The following CREB1 variants were observed in gnomAD, a reference collection of about 807,000 sequenced individuals.
CREB1 encodes cyclic AMP-responsive element-binding protein 1.
In CREB1, 2 loss-of-function variants were observed where a neutral mutation model predicts 42.0. That is an observed-to-expected ratio of 0.05 (90% CI 0.02 to 0.15). The LOEUF is 0.15. Among genes scored for constraint, CREB1 ranks in the 10% least tolerant of loss-of-function variants. CREB1 has a pLI of 1.00. For missense variants in CREB1, 199 were observed against 388.9 expected (o/e 0.51, Z 4.11); for synonymous variants, 123 against 139.9 (o/e 0.88, Z 0.85).
intron 1 of CREB1, among the ~76,000 whole-genome samples, chr2:207,550,047 A>C (rs962267941): frequency 1.3e-5 from 2 of 152,210 alleles, no homozygotes; most frequent in African/African-American, 2.4e-5. Flanking sequence ...TACAGGCACA[A>C]CATAACTGTG....
chr2:207,570,370 G>C, intron 5 of CREB1, 49 bp downstream of exon 5: 1 of 1,509,802 alleles, frequency 6.6e-7, no homozygotes, highest in East Asian at 2.4e-5. Context: ...AAAAAGTGAG[G>C]AGAAAAAGCT....
At chr2:207,532,566 G>C (rs1181394149) in intron 1 of CREB1, among the ~76,000 whole-genome samples, 3 of 151,250 alleles carry the variant, frequency 2.0e-5, no homozygotes, top group Non-Finnish European at 4.4e-5. Flanking sequence ...CCAGCTACTA[G>C]GGTAGCTGAG....
chr2:207,559,583 A>G (rs1370170083), intron 2 of CREB1, among the ~76,000 whole-genome samples: 4 of 152,230 alleles, frequency 2.6e-5, no homozygotes, highest in African/African-American at 9.6e-5. Context: ...GTTCAAGCAT[A>G]GGAGCAATAA....
At chr2:207,591,076 C>A (rs367921077) in intron 7 of CREB1, among the ~76,000 whole-genome samples, 2 of 152,164 alleles carry the variant, frequency 1.3e-5, no homozygotes, top group South Asian at 4.1e-4. Flanking sequence ...TATTTTTATT[C>A]TCTTAAATTA....
At chr2:207,582,930 T>C (rs940041139) in intron 7 of CREB1, 33 of 244,204 alleles carry the variant, frequency 1.4e-4, no homozygotes, top group South Asian at 2.3e-4. Flanking sequence ...TATATATATA[T>C]ACATACACAC....
chr2:207,584,961 C>T (rs1474378376), intron 7 of CREB1, among the ~76,000 whole-genome samples: 1 of 151,702 alleles, frequency 6.6e-6, no homozygotes, highest in East Asian at 1.9e-4. Context: ...GTACATCATG[C>T]TTGTGGTATT....
intron 2 of CREB1, chr2:207,559,224 A>C: frequency 1.2e-6 from 1 of 825,982 alleles, no homozygotes; most frequent in Non-Finnish European, 1.5e-6. Context: ...CCACTACTCC[A>C]CTCTGTGCTT....
chr2:207,557,878 A>G (rs1026403141), intron 2 of CREB1, among the ~76,000 whole-genome samples: 1 of 152,168 alleles, frequency 6.6e-6, no homozygotes, highest in African/African-American at 2.4e-5. Context: ...AGCTAGGTAT[A>G]TTTTCCCTAG....
chr2:207,583,396 A>C (rs2083284476), intron 7 of CREB1, among the ~76,000 whole-genome samples: 1 of 152,182 alleles, frequency 6.6e-6, no homozygotes, highest in South Asian at 2.1e-4. Context: ...AACTTGGCTT[A>C]TATGTTTGTT....
intron 5 of CREB1, among the ~76,000 whole-genome samples, chr2:207,574,865 A>G (rs779562547): frequency 7.2e-5 from 11 of 152,218 alleles, no homozygotes; most frequent in Non-Finnish European, 1.5e-4. Context: ...TGCTAAGTGT[A>G]TGAAAGTATA....
intron 1 of CREB1, among the ~76,000 whole-genome samples, chr2:207,545,778 G>A (rs1367464767): frequency 6.7e-6 from 1 of 150,266 alleles, no homozygotes; most frequent in Non-Finnish European, 1.5e-5. Context: ...TTTCTGCCCA[G>A]GCTAGAGTGC....
At position 207,565,502 on chromosome 2, in the gene CREB1, T is replaced by C. The variant is rs1398240625; in HGVS notation, c.262-1961T>C. On this transcript the variant is annotated intron_variant, in intron 3 of 7. Coordinates refer to ENST00000353267, the MANE Select transcript of CREB1 (RefSeq NM_004379.5). The stretch of plus-strand genomic sequence containing the variant: ...AGAAAGGCAACCTTTTTTTTTTTTT[T>C]CATTAAGGGCCATAGATCCAGAGTT... 2.6e-5 allele frequency among the ~76,000 whole-genome samples: 4 copies of C among 151,890 alleles called. 1 individual carries two copies. Among genetic ancestry groups the C allele is most frequent in the African/African-American group, 9.6e-5 (4 of 41,462 alleles).
intron 7 of CREB1, among the ~76,000 whole-genome samples, chr2:207,593,557 C>G (rs1055020810): frequency 6.6e-6 from 1 of 151,928 alleles, no homozygotes; most frequent in African/African-American, 2.4e-5. Context: ...GCAAATGCTA[C>G]TTTTTTCTGA....
chr2:207,583,380 G>T (rs576776432), intron 7 of CREB1, among the ~76,000 whole-genome samples: 2 of 152,216 alleles, frequency 1.3e-5, no homozygotes, highest in Admixed American at 6.5e-5. Context: ...TTCTTTCTCC[G>T]ACAGAAACTT....
intron 1 of CREB1, among the ~76,000 whole-genome samples, chr2:207,538,736 C>T (rs958111640): frequency 3.3e-5 from 5 of 152,112 alleles, no homozygotes; most frequent in African/African-American, 1.2e-4. Flanking sequence ...TGACTTATAC[C>T]AATGATGATA....
At chr2:207,535,444 C>G (rs1469742957) in intron 1 of CREB1, among the ~76,000 whole-genome samples, 1 of 151,954 alleles carries the variant, frequency 6.6e-6, no homozygotes, top group Non-Finnish European at 1.5e-5. Context: ...TTTTAACAGA[C>G]AGCTCATGGG....
At chr2:207,576,055 G>T (rs2082578624) in intron 6 of CREB1, among the ~76,000 whole-genome samples, 1 of 149,740 alleles carries the variant, frequency 6.7e-6, no homozygotes, top group Non-Finnish European at 1.5e-5. Context: ...TTGAACTCCG[G>T]GCCTCAAGCA....
intron 7 of CREB1, chr2:207,580,819 T>G (rs2082873735): frequency 9.0e-6 from 2 of 222,466 alleles, no homozygotes; most frequent in Non-Finnish European, 1.8e-5. Context: ...GTGGCTCTCC[T>G]TCATGTGCCC....
intron 1 of CREB1, among the ~76,000 whole-genome samples, chr2:207,547,368 C>T (rs2709356): frequency 0.16 from 23,694 of 152,150 alleles, 2,038 homozygotes; most frequent in Middle Eastern, 0.2. Context: ...CTTTTGGGTA[C>T]TTACAGTTTC....
Sources: gnomAD v4.1 joint callset for allele counts (sites outside exome capture counted in the v4.1 genomes callset) on GRCh38, gnomAD v4.1.1 for gene constraint, MANE v1.5 for transcripts, NCBI Gene and HGNC (gene_info 2026-07-23, HGNC 2026-07-21) for gene names.